The following CALN1 variants were observed in gnomAD, a reference collection of about 807,000 sequenced individuals.
CALN1 encodes calcium-binding protein 8.
In CALN1, 17 loss-of-function variants were observed where a neutral mutation model predicts 30.6. That is an observed-to-expected ratio of 0.56 (90% confidence interval 0.38 to 0.83). CALN1 has a LOEUF of 0.83. Ranked by LOEUF, CALN1 falls within the 40% of genes least tolerant of loss-of-function variation. The pLI is 0.00. For missense variants in CALN1, 291 were observed against 354.9 expected, an observed-to-expected ratio of 0.82 and a Z score of 1.45; for synonymous variants, 156 against 131.4, an observed-to-expected ratio of 1.19 and a Z score of -1.28.
chr7:72,208,938 T>G (rs916372730), intron 3 of CALN1, among the ~76,000 whole-genome samples: 1 of 152,084 alleles, frequency 6.6e-6, no homozygotes, highest in Non-Finnish European at 1.5e-5. Context: ...AGTCATGTTC[T>G]GTTTCTTTCT....
At chr7:72,161,684 C>T (rs1788121419) in intron 3 of CALN1, among the ~76,000 whole-genome samples, 1 of 151,880 alleles carries the variant, frequency 6.6e-6, no homozygotes, top group South Asian at 2.1e-4. Context: ...TCTTGTACCG[C>T]ATGTTCTCAC....
upstream of CALN1, among the ~76,000 whole-genome samples, chr7:72,450,171 A>G (rs1808632502): frequency 6.6e-6 from 1 of 152,112 alleles, no homozygotes. Context: ...GTGCTACTGT[A>G]CTCCAGCCTG....
chr7:72,086,116 T>C (rs1302429652), intron 4 of CALN1, among the ~76,000 whole-genome samples: 1 of 152,202 alleles, frequency 6.6e-6, no homozygotes, highest in African/African-American at 2.4e-5. Flanking sequence ...TGTTAATACA[T>C]ATGAAATCCA....
chr7:72,233,570 T>C (rs1382834543), intron 3 of CALN1, among the ~76,000 whole-genome samples: 5 of 151,850 alleles, frequency 3.3e-5, no homozygotes, highest in African/African-American at 1.2e-4. Context: ...AACAGAAACA[T>C]TAGCCAGGAG....
At chr7:72,121,484 GTTAT>G (rs1277914942) in intron 3 of CALN1, among the ~76,000 whole-genome samples, 1 of 147,006 alleles carries the variant, frequency 6.8e-6, no homozygotes, top group African/African-American at 2.5e-5. Flanking sequence ...ATATAATTAT[GTTAT>G]TTATAATATA....
intron 5 of CALN1, among the ~76,000 whole-genome samples, chr7:71,981,804 C>T (rs963592607): frequency 6.6e-6 from 1 of 152,078 alleles, no homozygotes; most frequent in African/African-American, 2.4e-5. Flanking sequence ...TTGAAGGACT[C>T]CCGGCTTGTG....
At chr7:72,010,769 C>T (rs547661108) in intron 5 of CALN1, among the ~76,000 whole-genome samples, 16 of 148,754 alleles carry the variant, frequency 1.1e-4, no homozygotes, top group South Asian at 6.3e-4. Context: ...GCCAAGATCG[C>T]GTCACTGCGC....
intron 3 of CALN1, among the ~76,000 whole-genome samples, chr7:72,167,055 A>G (rs925678997): frequency 7.9e-5 from 12 of 152,326 alleles, no homozygotes; most frequent in Admixed American, 7.2e-4. Context: ...AAGAAAAAGA[A>G]AAAGAAAATA....
At chr7:71,963,574 G>C (rs1418093589) in intron 5 of CALN1, among the ~76,000 whole-genome samples, 1 of 152,064 alleles carries the variant, frequency 6.6e-6, no homozygotes, top group Non-Finnish European at 1.5e-5. Flanking sequence ...CAAAGTGCTG[G>C]GATTACAGGT....
At chr7:72,020,850 G>C (rs1034765170) in intron 5 of CALN1, among the ~76,000 whole-genome samples, 9 of 152,198 alleles carry the variant, frequency 5.9e-5, no homozygotes, top group Admixed American at 2.6e-4. Flanking sequence ...AGGAGGAGTA[G>C]GAGTGTAGAT....
chr7:71,856,199 A>G (rs1790937930), intron 5 of CALN1, among the ~76,000 whole-genome samples: 1 of 151,556 alleles, frequency 6.6e-6, no homozygotes, highest in Non-Finnish European at 1.5e-5. Flanking sequence ...ATATGTAAAT[A>G]TACATATATA....
At chr7:72,207,282 T>C (rs1414886549) in intron 3 of CALN1, among the ~76,000 whole-genome samples, 1 of 152,088 alleles carries the variant, frequency 6.6e-6, no homozygotes, top group Non-Finnish European at 1.5e-5. Context: ...GAGTTTTGGG[T>C]TGAAGGGAGT....
At chr7:71,846,315 G>A (rs766493267) in intron 5 of CALN1, among the ~76,000 whole-genome samples, 2 of 152,152 alleles carry the variant, frequency 1.3e-5, no homozygotes, top group Non-Finnish European at 2.9e-5. Flanking sequence ...GAGATCAGCA[G>A]AGACTTGGGA....
At chr7:72,413,118 C>G (rs1807281221), upstream of CALN1, among the ~76,000 whole-genome samples, 1 of 152,124 alleles carries the variant, frequency 6.6e-6, no homozygotes, top group South Asian at 2.1e-4. Flanking sequence ...GACACATATG[C>G]ACACATACAC....
intron 3 of CALN1, among the ~76,000 whole-genome samples, chr7:72,120,495 G>A (rs1808302354): frequency 6.6e-6 from 1 of 152,054 alleles, no homozygotes; most frequent in African/African-American, 2.4e-5. Flanking sequence ...ATGTTGCAAT[G>A]GAAATCTTTG....
chr7:71,838,001 G>A (rs1789721350), intron 5 of CALN1, among the ~76,000 whole-genome samples: 1 of 152,142 alleles, frequency 6.6e-6, no homozygotes, highest in Non-Finnish European at 1.5e-5. Flanking sequence ...ACACTGATTA[G>A]TAGATTAACG....
At chr7:72,155,913 C>A (rs1787642714) in intron 3 of CALN1, among the ~76,000 whole-genome samples, 1 of 152,128 alleles carries the variant, frequency 6.6e-6, no homozygotes, top group African/African-American at 2.4e-5. Context: ...CCTTCAATGC[C>A]AGCTGAATAG....
chr7:72,264,496 AT>A (rs34126246), intron 3 of CALN1, among the ~76,000 whole-genome samples: 10,981 of 147,002 alleles, frequency 0.075, 982 homozygotes, highest in African/African-American at 0.22. Context: ...AATAAGCAGG[AT>A]TTTTTTTTTT....
In CALN1 at chr7:72,362,925, G is replaced by C. The variant is rs147187419; in HGVS notation, c.119+40326C>G. ...TGAGCAGAATCCTGGTTCCGTGTTTGCCCAGGCACCTGTCCCGTCACAGGC... is the reference window on the plus strand; with the variant it reads ...TGAGCAGAATCCTGGTTCCGTGTTTCCCCAGGCACCTGTCCCGTCACAGGC... On this transcript the variant is annotated intron_variant, in intron 2 of 6. Coordinates refer to ENST00000395275, the MANE Select transcript of CALN1 (RefSeq NM_031468.4). Among the ~76,000 whole-genome samples the C allele has an allele frequency of 7.9e-3, 1,196 of 152,280 alleles. 18 individuals carry two copies. The highest frequency in any genetic ancestry group is 0.027 in the African/African-American group (1,141 of 41,544).
Sources: allele counts gnomAD v4.1 joint callset (sites outside exome capture counted in the v4.1 genomes callset), GRCh38; gene constraint gnomAD v4.1.1; transcripts MANE v1.5; gene names NCBI Gene and HGNC (gene_info 2026-07-23, HGNC 2026-07-21).